Variants in CADM2 observed in about 807,000 individuals in gnomAD.
CADM2 encodes the protein immunoglobulin superfamily member 4D.
A neutral mutation model predicts 49.8 loss-of-function variants in CADM2; 12 were observed. The observed-to-expected ratio is 0.24, with a 90% CI of 0.15 to 0.39. The LOEUF is 0.39. CADM2 is among the 10% of genes least tolerant of loss of function. The pLI is 1.00. For synonymous variants in CADM2, 214 were observed against 175.4 expected (o/e 1.22, Z -1.74); for missense variants, 378 against 492.3 (o/e 0.77, Z 2.20).
intron 1 of CADM2, among the ~76,000 whole-genome samples, chr3:85,631,737 T>C (rs2064314837): frequency 6.6e-6 from 1 of 152,084 alleles, no homozygotes; most frequent in Non-Finnish European, 1.5e-5. Flanking sequence ...TTAAAAAATT[T>C]AATATATTTT....
At chr3:85,200,469 C>T (rs2041466709) in intron 1 of CADM2, among the ~76,000 whole-genome samples, 1 of 151,996 alleles carries the variant, frequency 6.6e-6, no homozygotes, top group South Asian at 2.1e-4. Flanking sequence ...GAAATAGGGA[C>T]ACGATGTACC....
chr3:85,125,930 T>A (rs943069305), intron 1 of CADM2, among the ~76,000 whole-genome samples: 2 of 152,224 alleles, frequency 1.3e-5, no homozygotes, highest in African/African-American at 4.8e-5. Context: ...GTCATTCTTT[T>A]TGTTTTGAGA....
intron 1 of CADM2, among the ~76,000 whole-genome samples, chr3:85,431,004 C>T (rs1279317658): frequency 6.6e-6 from 1 of 152,058 alleles, no homozygotes; most frequent in Non-Finnish European, 1.5e-5. Context: ...CACCCATAAG[C>T]ATGTCTTAGT....
At chr3:85,351,659 G>T (rs914152386) in intron 1 of CADM2, among the ~76,000 whole-genome samples, 34 of 152,158 alleles carry the variant, frequency 2.2e-4, no homozygotes, top group African/African-American at 7.7e-4. Context: ...TGTGGGAATT[G>T]CTCAGCTGCC....
intron 1 of CADM2, among the ~76,000 whole-genome samples, chr3:85,506,561 G>A (rs2040360612): frequency 6.6e-6 from 1 of 151,678 alleles, no homozygotes; most frequent in African/African-American, 2.4e-5. Context: ...AAAGTCTTCT[G>A]ATTTTTTTTT....
At chr3:85,392,003 A>G (rs1353312856) in intron 1 of CADM2, among the ~76,000 whole-genome samples, 1 of 152,164 alleles carries the variant, frequency 6.6e-6, no homozygotes, top group African/African-American at 2.4e-5. Context: ...GCTTCCTGTC[A>G]TATTTTGAAA....
intron 2 of CADM2, among the ~76,000 whole-genome samples, chr3:85,791,676 G>A (rs919062100): frequency 6.6e-6 from 1 of 152,008 alleles, no homozygotes; most frequent in African/African-American, 2.4e-5. Flanking sequence ...ATTTAAACAT[G>A]TGTTGCCTCT....
chr3:85,964,246 C>G (rs1294612489), intron 8 of CADM2, among the ~76,000 whole-genome samples: 1 of 151,698 alleles, frequency 6.6e-6, no homozygotes, highest in Non-Finnish European at 1.5e-5. Context: ...ACCCTTTTAT[C>G]TTTTACACCA....
At chr3:85,390,632 C>T (rs971552969) in intron 1 of CADM2, among the ~76,000 whole-genome samples, 6 of 152,038 alleles carry the variant, frequency 3.9e-5, no homozygotes, top group Admixed American at 2.6e-4. Flanking sequence ...GTTTTGGGAT[C>T]TGACTCTTGA....
chr3:85,880,172 A>G (rs1299318132), intron 3 of CADM2, among the ~76,000 whole-genome samples: 1 of 152,198 alleles, frequency 6.6e-6, no homozygotes, highest in Non-Finnish European at 1.5e-5. Flanking sequence ...ATCGCAATTA[A>G]CAGATATAAT....
At chr3:85,791,201 G>A (rs1259441023) in intron 2 of CADM2, among the ~76,000 whole-genome samples, 1 of 152,122 alleles carries the variant, frequency 6.6e-6, no homozygotes, top group Non-Finnish European at 1.5e-5. Flanking sequence ...TCACATGATA[G>A]AGCATTCATT....
At chr3:85,711,567 CTTG>C (rs1235277281) in intron 1 of CADM2, among the ~76,000 whole-genome samples, 1 of 152,082 alleles carries the variant, frequency 6.6e-6, no homozygotes, top group African/African-American at 2.4e-5. Flanking sequence ...GAAGTTGTTG[CTTG>C]TTGTAGGTTT....
At chr3:85,850,879 C>G (rs2075082476) in intron 3 of CADM2, among the ~76,000 whole-genome samples, 1 of 152,192 alleles carries the variant, frequency 6.6e-6, no homozygotes, top group Admixed American at 6.5e-5. Flanking sequence ...TATAGTCACT[C>G]TGTCTTGCTA....
intron 3 of CADM2, among the ~76,000 whole-genome samples, chr3:85,863,653 C>T (rs1477945828): frequency 6.6e-6 from 1 of 152,090 alleles, no homozygotes; most frequent in East Asian, 1.9e-4. Flanking sequence ...GTACCATGAG[C>T]CAAATACATC....
intron 1 of CADM2, among the ~76,000 whole-genome samples, chr3:85,507,458 G>C (rs2040409454): frequency 6.6e-6 from 1 of 152,072 alleles, no homozygotes; most frequent in Admixed American, 6.6e-5. Context: ...CAAAGTGCTG[G>C]AATTACAGGC....
At chr3:85,576,225 T>C (rs1335461239) in intron 1 of CADM2, among the ~76,000 whole-genome samples, 1 of 152,232 alleles carries the variant, frequency 6.6e-6, no homozygotes, top group African/African-American at 2.4e-5. Context: ...GAAAATCATC[T>C]CTGCTTTAGA....
intron 1 of CADM2, among the ~76,000 whole-genome samples, chr3:85,568,888 C>T (rs1411694635): frequency 2.0e-5 from 3 of 151,888 alleles, no homozygotes; most frequent in East Asian, 1.9e-4. Context: ...ATATTCTGAA[C>T]GTTTTATATG....
rs147117974 is a variant in CADM2, at chr3:85,005,599, T to C, written c.61+45931T>C. On this transcript the variant is annotated intron_variant, in intron 1 of 9. Coordinates refer to ENST00000383699, the MANE Select transcript of CADM2 (RefSeq NM_001167675.2). The stretch of plus-strand genomic sequence containing the variant: ...ATAACAGTATTTTGTGCATTCATAA[T>C]GATGAGCCATTAGCACTGTCTGTGA... Among the ~76,000 whole-genome samples the C allele has an allele frequency of 3.8e-3, 576 of 152,160 alleles. 8 individuals are homozygous for C. Among genetic ancestry groups the C allele is most frequent in the African/African-American group, 0.013 (526 of 41,502 alleles).
intron 1 of CADM2, among the ~76,000 whole-genome samples, chr3:85,143,473 C>G (rs2039639706): frequency 6.6e-6 from 1 of 152,154 alleles, no homozygotes; most frequent in South Asian, 2.1e-4. Flanking sequence ...GAACAAGATC[C>G]TGTCTCAAAA....
Sources: allele counts gnomAD v4.1 joint callset (sites outside exome capture counted in the v4.1 genomes callset), GRCh38; gene constraint gnomAD v4.1.1; transcripts MANE v1.5; gene names NCBI Gene and HGNC (gene_info 2026-07-23, HGNC 2026-07-21).